Variants in SH3GL2 observed in about 807,000 individuals in gnomAD.
The protein encoded by SH3GL2 is SH3 domain containing GRB2 like 2, endophilin A1.
SH3GL2 carries 24 observed loss-of-function variants against 46.0 expected under a neutral mutation model. That is an observed-to-expected ratio of 0.52 (90% CI 0.38 to 0.73). SH3GL2 has a LOEUF of 0.73. SH3GL2 is among the 30% of genes least tolerant of loss of function. The probability of loss-of-function intolerance (pLI) is 0.00; values close to 1 mark genes in which losing one functional copy is unlikely to be tolerated. For synonymous variants in SH3GL2, 196 were observed against 147.1 expected (o/e 1.33, Z -2.40); for missense variants, 413 against 424.2 (o/e 0.97, Z 0.23).
chr9:17,758,351 A>T (rs568114779), intron 2 of SH3GL2, among the ~76,000 whole-genome samples: 1 of 152,120 alleles, frequency 6.6e-6, no homozygotes, highest in African/African-American at 2.4e-5. Context: ...ACTTGAGGCC[A>T]GGAGTTCGAG....
At chr9:17,601,860 G>A (rs556445180) in intron 1 of SH3GL2, among the ~76,000 whole-genome samples, 1 of 152,132 alleles carries the variant, frequency 6.6e-6, no homozygotes, top group Non-Finnish European at 1.5e-5. Flanking sequence ...GTCTGTGGTG[G>A]GTTTGATGCT....
intron 1 of SH3GL2, among the ~76,000 whole-genome samples, chr9:17,705,446 G>T (rs2118233185): frequency 6.6e-6 from 1 of 151,956 alleles, no homozygotes; most frequent in South Asian, 2.1e-4. Flanking sequence ...GTATGCATAT[G>T]TTCAGCACAG....
chr9:17,764,486 G>A (rs1037610899), intron 3 of SH3GL2, among the ~76,000 whole-genome samples: 1 of 152,204 alleles, frequency 6.6e-6, no homozygotes, highest in Non-Finnish European at 1.5e-5. Flanking sequence ...CAGCCTTTCA[G>A]TGAACCCTAG....
intron 3 of SH3GL2, among the ~76,000 whole-genome samples, chr9:17,767,557 G>A (rs1588316475): frequency 6.6e-6 from 1 of 152,160 alleles, no homozygotes; most frequent in East Asian, 1.9e-4. Context: ...TTTCCTGGAG[G>A]ACAGGATAGC....
chr9:17,621,453 A>G (rs1006042064), intron 1 of SH3GL2, among the ~76,000 whole-genome samples: 7 of 152,218 alleles, frequency 4.6e-5, no homozygotes, highest in Admixed American at 1.3e-4. Flanking sequence ...TTTTTGTAAC[A>G]TATCCCATGA....
intron 3 of SH3GL2, among the ~76,000 whole-genome samples, chr9:17,782,585 G>A (rs905339624): frequency 6.6e-6 from 1 of 152,106 alleles, no homozygotes; most frequent in African/African-American, 2.4e-5. Context: ...AAGCAGGCCT[G>A]GTGCCAAGGA....
chr9:17,749,209 A>C (rs1822776680), intron 2 of SH3GL2, among the ~76,000 whole-genome samples: 1 of 152,220 alleles, frequency 6.6e-6, no homozygotes, highest in Non-Finnish European at 1.5e-5. Context: ...CCTGATCCTC[A>C]ACCAAAGCTG....
chr9:17,764,015 C>T (rs184985101), intron 3 of SH3GL2, among the ~76,000 whole-genome samples: 1 of 152,078 alleles, frequency 6.6e-6, no homozygotes, highest in Admixed American at 6.5e-5. Context: ...TTGAGAAGAT[C>T]TGAATGTTTA....
chr9:17,793,855 T>C (rs1342029438), intron 8 of SH3GL2, among the ~76,000 whole-genome samples: 3 of 152,252 alleles, frequency 2.0e-5, no homozygotes, highest in Admixed American at 6.5e-5. Flanking sequence ...GCGTGTTCGC[T>C]CTGAATCCAG....
chr9:17,738,514 A>ATG (rs140453684), intron 1 of SH3GL2, among the ~76,000 whole-genome samples: 19,329 of 125,298 alleles, frequency 0.15, 2,399 homozygotes, highest in Middle Eastern at 0.26. Flanking sequence ...ATATATACAT[A>ATG]TGTGTGTGTA....
intron 1 of SH3GL2, among the ~76,000 whole-genome samples, chr9:17,660,415 C>T (rs1820184179): frequency 6.6e-6 from 1 of 152,140 alleles, no homozygotes; most frequent in Non-Finnish European, 1.5e-5. Context: ...TGTTCATGCC[C>T]ATATGTTCTG....
At chr9:17,778,091 G>C (rs1456163817) in intron 3 of SH3GL2, among the ~76,000 whole-genome samples, 1 of 152,056 alleles carries the variant, frequency 6.6e-6, no homozygotes, top group African/African-American at 2.4e-5. Context: ...TTACCATACT[G>C]GTCATAGCCT....
At chr9:17,614,836 C>A (rs551696498) in intron 1 of SH3GL2, among the ~76,000 whole-genome samples, 2 of 152,246 alleles carry the variant, frequency 1.3e-5, no homozygotes, top group South Asian at 2.1e-4. Flanking sequence ...GCAGATGTTA[C>A]AAGGTTGATG....
At chr9:17,609,489 G>A (rs1818821181) in intron 1 of SH3GL2, among the ~76,000 whole-genome samples, 1 of 152,090 alleles carries the variant, frequency 6.6e-6, no homozygotes, top group South Asian at 2.1e-4. Flanking sequence ...GGTCTGTGGT[G>A]AGCAGGGGAG....
At chr9:17,665,944 G>A (rs1166788837) in intron 1 of SH3GL2, among the ~76,000 whole-genome samples, 1 of 150,014 alleles carries the variant, frequency 6.7e-6, no homozygotes, top group Non-Finnish European at 1.5e-5. Flanking sequence ...TTCAATTTCA[G>A]TCTAGTACCA....
At chr9:17,735,741 T>A (rs1822315846) in intron 1 of SH3GL2, 1 of 977,928 alleles carries the variant, frequency 1.0e-6, no homozygotes, top group Non-Finnish European at 1.2e-6. Context: ...CAGTAGGAAA[T>A]GGGAAGATAA....
chr9:17,584,226 C>T (rs909604865), intron 1 of SH3GL2, among the ~76,000 whole-genome samples: 6 of 152,102 alleles, frequency 3.9e-5, no homozygotes, highest in South Asian at 2.1e-4. Context: ...TAGGGTGGGG[C>T]GTGGTGGCTC....
intron 2 of SH3GL2, among the ~76,000 whole-genome samples, chr9:17,757,064 C>T (rs1328336568): frequency 6.6e-6 from 1 of 152,198 alleles, no homozygotes; most frequent in East Asian, 1.9e-4. Flanking sequence ...ATTTGCATTT[C>T]TCTGATGGCC....
chr9:17,761,486 T>C lies in SH3GL2; in HGVS notation c.164T>C (p.Ile55Thr). The change falls in exon 3 of 9, where the codon ATT becomes ACT. Residue 55 changes from isoleucine to threonine, a missense_variant. Physicochemically the swap from Ile to Thr is moderately conservative, Grantham distance 89. Around this residue, in one of 3 missense-constraint regions of SH3GL2, gnomAD observed 160 missense variants for 192.3 expected, o/e 0.83. Coordinates refer to ENST00000380607, the MANE Select transcript of SH3GL2 (RefSeq NM_003026.5). The part of the protein sequence containing the change: ...RAVMEIMTKT[I>T]EYLQPNPASR... ...GTGATGGAAATAATGACTAAAACAA[T>C]TGAATACCTTCAACCCAATCCAGGT... 6.2e-7 allele frequency: 1 copy of C among 1,602,378 alleles called. No individual in the cohort carries two copies. The highest frequency in any genetic ancestry group is 1.3e-5 in the African/African-American group (1 of 74,832).
Sources: gnomAD v4.1 joint callset for allele counts (sites outside exome capture counted in the v4.1 genomes callset) on GRCh38, gnomAD v4.1.1 for gene constraint, gnomAD v4.1.1 regional missense constraint, MANE v1.5 for transcripts, NCBI Gene and HGNC (gene_info 2026-07-23, HGNC 2026-07-21) for gene names.